The following DAB1 variants were observed in gnomAD, a reference collection of about 807,000 sequenced individuals.
DAB1 encodes the protein DAB adaptor protein 1.
A neutral mutation model predicts 64.6 loss-of-function variants in DAB1; 15 were observed. That is an observed-to-expected ratio of 0.23 (90% CI 0.16 to 0.36). The LOEUF (loss-of-function observed/expected upper bound fraction) is 0.36. Among genes scored for constraint, DAB1 ranks in the 10% least tolerant of loss-of-function variants. The pLI is 1.00. For missense variants in DAB1, 596 were observed against 706.7 expected, an observed-to-expected ratio of 0.84 and a Z score of 1.78; for synonymous variants, 235 against 251.9, an observed-to-expected ratio of 0.93 and a Z score of 0.64.
chr1:57,129,616 A>G (rs1011184584), intron 4 of DAB1, among the ~76,000 whole-genome samples: 1 of 152,156 alleles, frequency 6.6e-6, no homozygotes, highest in Non-Finnish European at 1.5e-5. Flanking sequence ...AAATCTGTCC[A>G]GAGCAATGTT....
At chr1:58,468,107 TAG>T (rs1449224700) in intron 3 of DAB1, 2 of 152,286 alleles carry the variant, frequency 1.3e-5, no homozygotes, top group Non-Finnish European at 2.9e-5. Context: ...GTATTTTTAG[TAG>T]AGACGGGATT....
At chr1:57,922,754 G>A (rs1644825679) in intron 5 of DAB1, among the ~76,000 whole-genome samples, 1 of 145,770 alleles carries the variant, frequency 6.9e-6, no homozygotes, top group South Asian at 2.2e-4. Flanking sequence ...GCTGAGGCAG[G>A]AGAATGGCAT....
chr1:58,392,367 A>G (rs936478599), intron 3 of DAB1, among the ~76,000 whole-genome samples: 2 of 152,148 alleles, frequency 1.3e-5, no homozygotes, highest in Admixed American at 1.3e-4. Context: ...ACTCTCAACT[A>G]TAAAGAGAAA....
At chr1:57,841,176 A>G (rs773843953) in intron 1 of DAB1, among the ~76,000 whole-genome samples, 9 of 152,230 alleles carry the variant, frequency 5.9e-5, no homozygotes, top group Middle Eastern at 6.8e-3. Flanking sequence ...GTCCAAAATA[A>G]TCTCCTTTGA....
intron 7 of DAB1, among the ~76,000 whole-genome samples, chr1:57,625,594 C>A (rs1276714687): frequency 6.6e-6 from 1 of 152,088 alleles, no homozygotes; most frequent in African/African-American, 2.4e-5. Context: ...GAAGATGAAG[C>A]TTTAAAGTAT....
At chr1:57,537,939 G>A (rs1459028012) in intron 7 of DAB1, among the ~76,000 whole-genome samples, 2 of 152,114 alleles carry the variant, frequency 1.3e-5, no homozygotes, top group East Asian at 3.9e-4. Flanking sequence ...GGGAGAGAAG[G>A]CTAGGGGGGC....
At chr1:57,955,601 G>A (rs1286106512) in intron 5 of DAB1, among the ~76,000 whole-genome samples, 1 of 152,046 alleles carries the variant, frequency 6.6e-6, no homozygotes, top group Non-Finnish European at 1.5e-5. Flanking sequence ...GGAATAATAC[G>A]ATATGCTTTT....
intron 3 of DAB1, chr1:58,481,277 T>C (rs1645478006): frequency 4.6e-6 from 2 of 430,886 alleles, no homozygotes; most frequent in African/African-American, 4.1e-5. Flanking sequence ...AAAGAATGTA[T>C]TGTTATTTTT....
rs562545658 is a variant in DAB1 at position 57,803,080 on chromosome 1, C to T, written n.551+80919G>A. Among the ~76,000 whole-genome samples, 8 of 152,314 alleles carry T rather than the reference C, an allele frequency of 5.3e-5. No homozygotes were observed. In the South Asian group the frequency reaches 1.4e-3, roughly 28 times the overall value. ...ATCTGCCTGCCGACCTCACTCCATGCAGCTTGGTAACTTGTCCTTCCTTGA... is the reference window on the plus strand; with the variant it reads ...ATCTGCCTGCCGACCTCACTCCATGTAGCTTGGTAACTTGTCCTTCCTTGA... On this transcript the variant is annotated intron_variant and non_coding_transcript_variant, in intron 6 of 20. Transcript: ENST00000485760.
chr1:58,075,592 T>C (rs956186502), intron 5 of DAB1, among the ~76,000 whole-genome samples: 1 of 152,232 alleles, frequency 6.6e-6, no homozygotes, highest in East Asian at 1.9e-4. Flanking sequence ...GATTTGTGTA[T>C]GGAATGTTTG....
intron 3 of DAB1, among the ~76,000 whole-genome samples, chr1:58,358,860 CTCTT>C (rs1644135600): frequency 6.6e-6 from 1 of 151,302 alleles, no homozygotes; most frequent in African/African-American, 2.4e-5. Flanking sequence ...TCTCTCCCAG[CTCTT>C]TCTGTCTCTC....
chr1:57,073,387 GA>G (rs1449734068), intron 4 of DAB1, among the ~76,000 whole-genome samples: 1 of 152,160 alleles, frequency 6.6e-6, no homozygotes, highest in Non-Finnish European at 1.5e-5. Context: ...TTAGTAATTT[GA>G]AAATCTTTTA....
intron 9 of DAB1, among the ~76,000 whole-genome samples, chr1:57,047,884 A>G (rs891134833): frequency 2.3e-4 from 35 of 152,098 alleles, no homozygotes; most frequent in Non-Finnish European, 8.8e-5. Flanking sequence ...GACTAAAACC[A>G]TCTTCGTCGC....
intron 2 of DAB1, among the ~76,000 whole-genome samples, chr1:57,238,892 CA>C (rs1191838373): frequency 1.0e-3 from 152 of 151,688 alleles, no homozygotes; most frequent in Middle Eastern, 3.4e-3. Context: ...CACACACACA[CA>C]CCCCTAACTT....
intron 4 of DAB1, among the ~76,000 whole-genome samples, chr1:57,101,359 T>C (rs1654670019): frequency 6.6e-6 from 1 of 152,256 alleles, no homozygotes; most frequent in South Asian, 2.1e-4. Flanking sequence ...TTACATTAAT[T>C]AGTCACCCTT....
chr1:57,978,018 C>T (rs1228202592), intron 5 of DAB1, among the ~76,000 whole-genome samples: 1 of 152,070 alleles, frequency 6.6e-6, no homozygotes, highest in East Asian at 1.9e-4. Context: ...CAATGCCATC[C>T]CCAACAAGCT....
intron 4 of DAB1, among the ~76,000 whole-genome samples, chr1:58,317,130 C>A (rs1276196305): frequency 2.6e-5 from 4 of 152,224 alleles, no homozygotes; most frequent in Non-Finnish European, 4.4e-5. Context: ...CAGCTATCTC[C>A]CTCACTCCCT....
At chr1:57,031,256 C>A (rs1307854559) in intron 9 of DAB1, among the ~76,000 whole-genome samples, 1 of 152,026 alleles carries the variant, frequency 6.6e-6, no homozygotes, top group African/African-American at 2.4e-5. Flanking sequence ...TAAAAATAAT[C>A]CTAATAACCA....
chr1:58,452,716 C>A (rs1645151496), intron 3 of DAB1, among the ~76,000 whole-genome samples: 1 of 150,644 alleles, frequency 6.6e-6, no homozygotes, highest in African/African-American at 2.4e-5. Context: ...CTACTCCCAG[C>A]TACTCAGAGG....
Sources: allele counts gnomAD v4.1 joint callset (sites outside exome capture counted in the v4.1 genomes callset), GRCh38; gene constraint gnomAD v4.1.1; transcripts MANE v1.5; gene names NCBI Gene and HGNC (gene_info 2026-07-23, HGNC 2026-07-21).